EXOG: variants seen among roughly 807,000 people sequenced by gnomAD.
EXOG encodes the protein exo/endonuclease G, also known as nuclease EXOG, mitochondrial.
A neutral mutation model predicts 25.8 loss-of-function variants in EXOG; 27 were observed. That is an observed-to-expected ratio of 1.05 (90% CI 0.77 to 1.45). EXOG has a LOEUF of 1.45. EXOG is among the 40% of genes most tolerant of loss of function. The pLI is 0.00. For synonymous variants in EXOG, 133 were observed against 167.0 expected, an observed-to-expected ratio of 0.80 and a Z score of 1.57; for missense variants, 458 against 450.5, an observed-to-expected ratio of 1.02 and a Z score of -0.15.
Position 38,524,271 on chromosome 3 carries a change from C to T in EXOG, c.1016C>T (p.Pro339Leu), listed in dbSNP as rs768000987. ...AACTTGAAGAATGCAGAGATTGAAC[C>T]AGATGATTACTTTATGAGTCGCTAT... ...MENLKNAEIEPDDYFMSRYEK... is the reference protein window; with the variant it reads ...MENLKNAEIELDDYFMSRYEK... The change falls in exon 6 of 6, where the codon CCA (proline) becomes CTA (leucine). Residue 339 changes from proline to leucine, a missense_variant. Around this residue, in one of 3 missense-constraint regions of EXOG, gnomAD observed 178 missense variants for 203.7 expected, o/e 0.87. Coordinates refer to ENST00000287675, the MANE Select transcript of EXOG (RefSeq NM_005107.4). 1 of 1,614,086 alleles carries T rather than the reference C, an allele frequency of 6.2e-7. No individual in the cohort carries two copies. Among genetic ancestry groups the T allele is most frequent in the African/African-American group, 1.3e-5 (1 of 75,032 alleles).
intron 5 of EXOG, among the ~76,000 whole-genome samples, chr3:38,522,983 C>G (rs2060767916): frequency 6.6e-6 from 1 of 152,206 alleles, no homozygotes; most frequent in South Asian, 2.1e-4. Context: ...TCTTTGATCA[C>G]AAGCCCAAGG....
chr3:38,507,103 A>T, intron 5 of EXOG, 135 bp downstream of exon 5: 2 of 501,144 alleles, frequency 4.0e-6, no homozygotes, highest in Non-Finnish European at 7.2e-6. Context: ...TTATTCAACA[A>T]TATTTATTGA....
chr3:38,522,109 A>G (rs1000594575), intron 5 of EXOG, among the ~76,000 whole-genome samples: 1 of 152,244 alleles, frequency 6.6e-6, no homozygotes, highest in African/African-American at 2.4e-5. Context: ...AACCACTTTC[A>G]GTAACTTCGA....
intron 2 of EXOG, among the ~76,000 whole-genome samples, chr3:38,498,433 TG>T (rs1257358040): frequency 2.6e-5 from 4 of 151,770 alleles, no homozygotes; most frequent in African/African-American, 9.7e-5. Flanking sequence ...TGCACCTCTG[TG>T]GTTCCAGCTA....
chr3:38,496,363 G>A lies in EXOG; in HGVS notation c.-5G>A. On this transcript the variant is annotated 5_prime_UTR_variant, in exon 1 of 6. Transcript: ENST00000287675. ...CCGTGGTAAAAGGCCGGTACCTCGGGCAAGATGGCTATCAAGAGTATCGCT... is the reference window on the plus strand; with the variant it reads ...CCGTGGTAAAAGGCCGGTACCTCGGACAAGATGGCTATCAAGAGTATCGCT... 1 of 1,612,098 alleles carries A rather than the reference G, an allele frequency of 6.2e-7. No homozygotes were observed. Among genetic ancestry groups the A allele is most frequent in the Middle Eastern group, 1.7e-4 (1 of 5,968 alleles).
intron 1 of EXOG, chr3:38,497,075 C>CA (rs5848435): frequency 0.37 from 318,348 of 871,886 alleles, 11,171 homozygotes; most frequent in Middle Eastern, 0.39. Context: ...TTATATTTGA[C>CA]AAAAAAAAAA....
rs2060848932 is a variant in EXOG at position 38,525,549 on chromosome 3, T to C, written c.*1187T>C. ...TTGTGGGGTTTATTAGAGCCCATGC[T>C]TGCCTCCAGAGATACAGTTCTTTTA... is the stretch of plus-strand genomic sequence containing the variant. On this transcript the variant is annotated 3_prime_UTR_variant, in exon 6 of 6. Coordinates refer to ENST00000287675, the MANE Select transcript of EXOG (RefSeq NM_005107.4). 5.1e-6 allele frequency: 5 copies of C among 985,110 alleles called. No homozygotes were observed. Among genetic ancestry groups the C allele is most frequent in the South Asian group, 4.7e-5 (1 of 21,286 alleles). The allele number at this position is 985,110 out of a possible 1,614,324, so 61.0% of individuals were successfully genotyped here.
Position 38,496,549 on chromosome 3 carries a change from C to T in EXOG, c.163+19C>T. The T allele has an allele frequency of 6.2e-7, 1 of 1,600,196 alleles. No homozygotes were observed. The highest frequency in any genetic ancestry group is 8.5e-7 in the Non-Finnish European group (1 of 1,174,554). ...CCGGATGGTAAGTCTGTGGGCCCGT[C>T]CTCCCTTCGCTGGCCCAGATTTCGG... On this transcript the variant is annotated intron_variant, in intron 1 of 5. Coordinates refer to ENST00000287675, the MANE Select transcript of EXOG (RefSeq NM_005107.4).
At chr3:38,508,720 C>G (rs969188452) in intron 5 of EXOG, among the ~76,000 whole-genome samples, 3 of 149,360 alleles carry the variant, frequency 2.0e-5, no homozygotes, top group Admixed American at 6.7e-5. Flanking sequence ...CACCCCCCCC[C>G]CAAAAAAAAA....
intron 5 of EXOG, among the ~76,000 whole-genome samples, chr3:38,512,617 T>C (rs902067644): frequency 2.0e-5 from 3 of 152,210 alleles, no homozygotes; most frequent in African/African-American, 7.2e-5. Context: ...ATAATATACT[T>C]GAACCTCTAA....
intron 3 of EXOG, among the ~76,000 whole-genome samples, chr3:38,503,302 A>G (rs751462236): frequency 1.1e-4 from 17 of 152,268 alleles, no homozygotes; most frequent in Non-Finnish European, 2.1e-4. Context: ...ACTCTTTGCC[A>G]GAGGCTTAAA....
chr3:38,519,532 G>T (rs1449611486), intron 5 of EXOG, among the ~76,000 whole-genome samples: 2 of 152,190 alleles, frequency 1.3e-5, no homozygotes, highest in Non-Finnish European at 2.9e-5. Context: ...GACATCATTT[G>T]AAGTGATATG....
intron 5 of EXOG, among the ~76,000 whole-genome samples, chr3:38,522,545 C>T (rs2060750310): frequency 1.3e-5 from 2 of 152,164 alleles, no homozygotes; most frequent in East Asian, 1.9e-4. Flanking sequence ...GCTCTTGTTG[C>T]CCAGGCTGGA....
chr3:38,499,790 A>G (rs2059994153), intron 2 of EXOG: 18 of 392,966 alleles, frequency 4.6e-5, no homozygotes, highest in South Asian at 3.4e-4. Flanking sequence ...CTTTTAAAAA[A>G]TGGCTTAAGA....
In EXOG at chr3:38,525,222, T is replaced by C. The variant is rs1245734126; in HGVS notation, c.*860T>C. ...GAAAATTGAGGCTTAGAGAGCTTAG[T>C]GTCTTACCTGAGTTTCACTTTTCCA... On this transcript the variant is annotated 3_prime_UTR_variant, in exon 6 of 6. Coordinates refer to ENST00000287675, the MANE Select transcript of EXOG (RefSeq NM_005107.4). 2.0e-6 allele frequency: 2 copies of C among 980,678 alleles called. No individual in the cohort carries two copies. The highest frequency in any genetic ancestry group is 1.2e-4 in the Admixed American group (2 of 16,264). 60.7% of individuals were successfully genotyped at this position (980,678 alleles called of 1,614,324 possible).
Position 38,503,679 on chromosome 3 carries a change from G to A in EXOG, c.518G>A (p.Gly173Glu). 1.3e-6 allele frequency: 2 copies of A among 1,587,952 alleles called. No homozygotes were observed. The highest frequency in any genetic ancestry group is 1.7e-6 in the Non-Finnish European group (2 of 1,157,122). The change falls in exon 4 of 6, where the codon GGA becomes GAA. Residue 173 changes from glycine to glutamate, a missense_variant. By Grantham distance (98) the Gly-to-Glu change is moderately conservative. Transcript: ENST00000287675. ...CCTCAGGATTTTGATAATAATTCTGGATATTGGAACAGGTGAGGGATGAGA... is the reference window on the plus strand; with the variant it reads ...CCTCAGGATTTTGATAATAATTCTGAATATTGGAACAGGTGAGGGATGAGA... ...IVPQDFDNNS[G>E]YWNRIEMYCR...
intron 3 of EXOG, 91 bp from the exon 4 acceptor site, chr3:38,503,524 A>G (rs2060109536): frequency 2.8e-6 from 2 of 715,618 alleles, no homozygotes; most frequent in Non-Finnish European, 4.8e-6. Context: ...TAATGTTTAA[A>G]TAAGAAAGTG....
chr3:38,526,095 C>A lies in EXOG; in HGVS notation c.*1733C>A, dbSNP rs6796657. 0.019 allele frequency: 19,130 copies of A among 985,362 alleles called. 212 individuals carry two copies. Among genetic ancestry groups the A allele is most frequent in the Middle Eastern group, 0.032 (61 of 1,914 alleles). The allele number at this position is 985,362 out of a possible 1,614,324, so 61.0% of individuals were successfully genotyped here. On this transcript the variant is annotated 3_prime_UTR_variant, in exon 6 of 6. Coordinates refer to ENST00000287675, the MANE Select transcript of EXOG (RefSeq NM_005107.4). ...GGGAAATTGTGGCTGTTTTTCTGAG[C>A]CAGATCTCTTGATTTGGGTTTACAC...
At chr3:38,502,847 T>C (rs140595580) in intron 3 of EXOG, among the ~76,000 whole-genome samples, 129 of 152,292 alleles carry the variant, frequency 8.5e-4, no homozygotes, top group African/African-American at 2.9e-3. Flanking sequence ...TTCATGATAT[T>C]GACAATTGTT....
Sources: gnomAD v4.1 joint callset for allele counts (sites outside exome capture counted in the v4.1 genomes callset) on GRCh38, gnomAD v4.1.1 for gene constraint, gnomAD v4.1.1 regional missense constraint, MANE v1.5 for transcripts, NCBI Gene and HGNC (gene_info 2026-07-23, HGNC 2026-07-21) for gene names.